Variants in FANCC observed in about 807,000 individuals in gnomAD.
FANCC encodes the protein FA complementation group C.
In FANCC, 55 loss-of-function variants were observed where a neutral mutation model predicts 71.3. That is an observed-to-expected ratio of 0.77 (90% CI 0.62 to 0.97). FANCC has a LOEUF of 0.97. Ranked by LOEUF, FANCC falls within the 50% of genes least tolerant of loss-of-function variation. The pLI, the probability that FANCC is intolerant of heterozygous loss-of-function variation, is 0.00. For synonymous variants in FANCC, 275 were observed against 244.9 expected (o/e 1.12, Z -1.15); for missense variants, 678 against 670.9 (o/e 1.01, Z -0.12).
rs183900658 is a variant in FANCC at position 95,119,027 on chromosome 9, T to G, written c.997-1637A>C. On this transcript the variant is annotated intron_variant, in intron 10 of 14. Coordinates refer to ENST00000289081, the MANE Select transcript of FANCC (RefSeq NM_000136.3). ...TGTACCATCTTACGCCCACCAGCAATGTATGTGAATTCCAGTTGCTCCACA... is the reference window on the plus strand; with the variant it reads ...TGTACCATCTTACGCCCACCAGCAAGGTATGTGAATTCCAGTTGCTCCACA... Among the ~76,000 whole-genome samples the G allele has an allele frequency of 1.8e-4, 28 of 152,328 alleles. No individual in the cohort carries two copies. The East Asian group carries it at 2.5e-3, about 14-fold the overall frequency.
rs188463901 is a variant in FANCC at position 95,213,530 on chromosome 9, G to A, written c.345+27119C>T. 1.5e-3 allele frequency among the ~76,000 whole-genome samples: 228 copies of A among 152,184 alleles called. 1 individual carries two copies. The highest frequency in any genetic ancestry group is 4.0e-3 in the South Asian group (19 of 4,806). Reference sequence around the variant, plus strand: ...TATCTGGTTGAATGATTTTCAACAAGGGTGCCAAGATCATTCAATGGGGAA... The same window carrying A: ...TATCTGGTTGAATGATTTTCAACAAAGGTGCCAAGATCATTCAATGGGGAA... On this transcript the variant is annotated intron_variant, in intron 4 of 14. Transcript: ENST00000289081.
At chr9:95,146,973 T>C (rs1282944278) in intron 7 of FANCC, among the ~76,000 whole-genome samples, 1 of 151,396 alleles carries the variant, frequency 6.6e-6, no homozygotes, top group African/African-American at 2.4e-5. Context: ...AAAACTTTTC[T>C]AATTTTTAAA....
chr9:95,280,494 T>G (rs77113994), intron 1 of FANCC, among the ~76,000 whole-genome samples: 1 of 152,212 alleles, frequency 6.6e-6, no homozygotes, highest in Non-Finnish European at 1.5e-5. Flanking sequence ...ACATGGAATA[T>G]TCTAAACAGA....
intron 8 of FANCC, among the ~76,000 whole-genome samples, chr9:95,129,000 T>C (rs1396224283): frequency 2.0e-5 from 3 of 152,070 alleles, no homozygotes; most frequent in Non-Finnish European, 4.4e-5. Flanking sequence ...ACTCCTGGGT[T>C]CAAAAGATTC....
At chr9:95,143,178 G>A (rs972240264) in intron 7 of FANCC, among the ~76,000 whole-genome samples, 1 of 152,210 alleles carries the variant, frequency 6.6e-6, no homozygotes. Context: ...TTCAGGAACA[G>A]CCACATGGAA....
At chr9:95,223,990 C>G (rs1829449842) in intron 4 of FANCC, among the ~76,000 whole-genome samples, 1 of 152,134 alleles carries the variant, frequency 6.6e-6, no homozygotes, top group Non-Finnish European at 1.5e-5. Context: ...GGAAAACAAA[C>G]AGACAAACGA....
intron 10 of FANCC, among the ~76,000 whole-genome samples, chr9:95,118,457 G>A (rs1031936700): frequency 6.6e-6 from 1 of 152,244 alleles, no homozygotes; most frequent in African/African-American, 2.4e-5. Flanking sequence ...CGCATGGAGT[G>A]CATGGGCTTT....
chr9:95,102,444 G>A (rs1180842512), intron 14 of FANCC, among the ~76,000 whole-genome samples: 1 of 152,136 alleles, frequency 6.6e-6, no homozygotes, highest in Non-Finnish European at 1.5e-5. Flanking sequence ...AAAAACTTCG[G>A]TTAAGAAAAA....
chr9:95,131,076 C>T (rs1826834844), intron 8 of FANCC, among the ~76,000 whole-genome samples: 1 of 152,256 alleles, frequency 6.6e-6, no homozygotes, highest in Admixed American at 6.5e-5. Context: ...TTAATCTTTA[C>T]CAGATGTTGT....
intron 4 of FANCC, among the ~76,000 whole-genome samples, chr9:95,219,900 A>G (rs530691566): frequency 6.6e-6 from 1 of 152,240 alleles, no homozygotes; most frequent in Non-Finnish European, 1.5e-5. Flanking sequence ...GTGCACAAGC[A>G]AAAGAAACTA....
rs776017300 is a variant in FANCC, at chr9:95,099,356, G to C, written c.*2351C>G. The C allele has an allele frequency of 4.4e-5, 10 of 227,820 alleles. No homozygotes were observed. Among genetic ancestry groups the C allele is most frequent in the Non-Finnish European group, 7.8e-5 (9 of 115,008 alleles). 14.1% of individuals were successfully genotyped at this position (227,820 alleles called of 1,614,324 possible). ...CCAGTTCCTTCCAGGGTGGCTTCAC[G>C]CCTTGCCATCCCTGCCTCCCTGCGG... On this transcript the variant is annotated 3_prime_UTR_variant, in exon 15 of 15. Transcript: ENST00000289081.
At chr9:95,140,924 C>T (rs1262541743) in intron 7 of FANCC, among the ~76,000 whole-genome samples, 4 of 152,060 alleles carry the variant, frequency 2.6e-5, no homozygotes, top group Admixed American at 6.6e-5. Context: ...ACCAGAATGT[C>T]TGGCAATTAC....
Position 95,101,437 on chromosome 9 carries a change from A to C in FANCC, c.*270T>G. ...CCAGGCCTTTGCTTTAGTAATTATCAAGCTGACGGTCTGGCCGGGCGGGCA... is the reference window on the plus strand; with the variant it reads ...CCAGGCCTTTGCTTTAGTAATTATCCAGCTGACGGTCTGGCCGGGCGGGCA... On this transcript the variant is annotated 3_prime_UTR_variant, in exon 15 of 15. Coordinates refer to ENST00000289081, the MANE Select transcript of FANCC (RefSeq NM_000136.3). 1 of 521,520 alleles carries C rather than the reference A, an allele frequency of 1.9e-6. No homozygotes were observed. Among genetic ancestry groups the C allele is most frequent in the Non-Finnish European group, 3.5e-6 (1 of 287,502 alleles). 32.3% of individuals were successfully genotyped at this position (521,520 alleles called of 1,614,324 possible).
intron 7 of FANCC, among the ~76,000 whole-genome samples, chr9:95,138,751 C>T (rs1353837204): frequency 2.0e-5 from 3 of 152,190 alleles, no homozygotes; most frequent in East Asian, 1.9e-4. Flanking sequence ...CAGGCCAGGC[C>T]GCCAGGAGCA....
chr9:95,293,924 C>A (rs573693433), intron 1 of FANCC: 188 of 1,590,116 alleles, frequency 1.2e-4, no homozygotes, highest in Non-Finnish European at 1.6e-4. Context: ...AATGTTGCTA[C>A]AAGTAACATT....
Position 95,292,767 on chromosome 9 carries a change from C to G in FANCC, c.-79+24759G>C. Reference sequence around the variant, plus strand: ...AGGCTGCCCCAGAGGCCCTGACAGACCATTTTCTCAGTTTTCTCTCGTAAA... The same window carrying G: ...AGGCTGCCCCAGAGGCCCTGACAGAGCATTTTCTCAGTTTTCTCTCGTAAA... On this transcript the variant is annotated intron_variant, in intron 1 of 14. Coordinates refer to ENST00000289081, the MANE Select transcript of FANCC (RefSeq NM_000136.3). 18 of 1,476,688 alleles carry G rather than the reference C, an allele frequency of 1.2e-5. No homozygotes were observed. In the South Asian group the frequency reaches 2.0e-4, roughly 17 times the overall value. 91.5% of individuals were successfully genotyped at this position (1,476,688 alleles called of 1,614,324 possible).
chr9:95,292,445 G>A lies in FANCC; in HGVS notation c.-79+25081C>T, dbSNP rs1288234126. 4.2e-5 allele frequency: 50 copies of A among 1,179,272 alleles called. No homozygotes were observed. In the East Asian group the frequency reaches 6.3e-4, roughly 15 times the overall value. 73.1% of individuals were successfully genotyped at this position (1,179,272 alleles called of 1,614,324 possible). A position where few individuals can be genotyped will look rare whatever the true frequency, so the allele number is the denominator to read the frequency against. On this transcript the variant is annotated intron_variant, in intron 1 of 14. Transcript: ENST00000289081. ...GAGCCTCCGCCGCCGCCTCGGGCCC[G>A]TGGGTGCCCCCGGGACCCCGACTGA...
At chr9:95,103,606 T>A (rs1236210395) in intron 14 of FANCC, among the ~76,000 whole-genome samples, 1 of 151,674 alleles carries the variant, frequency 6.6e-6, no homozygotes, top group South Asian at 2.1e-4. Flanking sequence ...GGCAGAGGAG[T>A]GCCTGGCGAG....
chr9:95,164,394 T>TC (rs1774455491), intron 6 of FANCC, among the ~76,000 whole-genome samples: 1 of 152,194 alleles, frequency 6.6e-6, no homozygotes, highest in African/African-American at 2.4e-5. Flanking sequence ...GGGAAAACAT[T>TC]CCCTTTTTCA....
Sources: allele counts gnomAD v4.1 joint callset (sites outside exome capture counted in the v4.1 genomes callset), GRCh38; gene constraint gnomAD v4.1.1; transcripts MANE v1.5; gene names NCBI Gene and HGNC (gene_info 2026-07-23, HGNC 2026-07-21).